NR2F6: variants seen among roughly 807,000 people sequenced by gnomAD.
The protein encoded by NR2F6 is nuclear receptor subfamily 2 group F member 6.
A neutral mutation model predicts 26.5 loss-of-function variants in NR2F6; 16 were observed. The ratio of observed to expected loss-of-function variants is 0.60; its 90% CI spans 0.41 to 0.92. The LOEUF is 0.92. Ranked by LOEUF, NR2F6 falls within the 40% of genes least tolerant of loss-of-function variation. NR2F6 has a pLI of 0.00. For synonymous variants in NR2F6, 325 were observed against 305.0 expected (o/e 1.07, Z -0.68); for missense variants, 536 against 631.7 (o/e 0.85, Z 1.62).
chr19:17,240,879 G>C, intron 1 of NR2F6, 114 bp from the exon 2 acceptor site: 1 of 983,676 alleles, frequency 1.0e-6, no homozygotes, highest in Non-Finnish European at 1.5e-6. Flanking sequence ...GGGCCCTCTA[G>C]ACTGGAGAGG....
chr19:17,240,777 C>T lies in NR2F6; in HGVS notation c.279-12G>A, dbSNP rs780933576. ...AGTCACGGTTGGACCTGGGGGCACACAGAAGCCAGGGCTCCCTGAGACCCC... is the reference window on the plus strand; with the variant it reads ...AGTCACGGTTGGACCTGGGGGCACATAGAAGCCAGGGCTCCCTGAGACCCC... On this transcript the variant is annotated splice_polypyrimidine_tract_variant and intron_variant, in intron 1 of 3. Transcript: ENST00000291442. The T allele has an allele frequency of 6.2e-7, 1 of 1,613,088 alleles. No homozygotes were observed. The highest frequency in any genetic ancestry group is 1.7e-5 in the Admixed American group (1 of 59,908).
Position 17,235,935 on chromosome 19 carries a change from T to C in NR2F6, c.504A>G (p.Glu168=). 6.7e-7 allele frequency: 1 copy of C among 1,483,050 alleles called. No individual in the cohort carries two copies. The highest frequency in any genetic ancestry group is 2.9e-5 in the East Asian group (1 of 34,784). The allele number at this position is 1,483,050 out of a possible 1,614,324, so 91.9% of individuals were successfully genotyped here. ...GDLFPGQPVS[E]LIAQLLRAEP... is the part of the protein sequence containing the mutation. ...CAGCGCGCAGCAGCTGCGCGATCAGTTCGGACACCGGCTGCCCCGGGAAGA... is the reference window on the plus strand; with the variant it reads ...CAGCGCGCAGCAGCTGCGCGATCAGCTCGGACACCGGCTGCCCCGGGAAGA... The change falls in exon 3 of 4, where the codon GAA becomes GAG. Residue 168 remains glutamate (E), a synonymous_variant. Transcript: ENST00000291442. This position sits in a 1 kb window ranked among gnomAD's most constrained non-coding sequence, Gnocchi z 5.0.
chr19:17,243,809 T>A (rs1300241548), intron 1 of NR2F6, among the ~76,000 whole-genome samples: 1 of 152,064 alleles, frequency 6.6e-6, no homozygotes, highest in Admixed American at 6.5e-5. Context: ...GTCCCCACCC[T>A]AGCCCCACAG....
chr19:17,235,700 C>T lies in NR2F6; in HGVS notation c.739G>A (p.Ala247Thr), dbSNP rs2073432491. 1 of 1,491,240 alleles carries T rather than the reference C, an allele frequency of 6.7e-7. No homozygotes were observed. The highest frequency in any genetic ancestry group is 2.4e-5 in the Admixed American group (1 of 42,252). 92.4% of individuals were successfully genotyped at this position (1,491,240 alleles called of 1,614,324 possible). ...TGCAGGGGCAGCGCCGCCTGCGCCG[C>T]GTTCAGCACGAAGAGCTCGCTCCAG... Reference protein sequence around the residue: ...LSWSELFVLNAAQAALPLHTA... With the variant: ...LSWSELFVLNTAQAALPLHTA... The change falls in exon 3 of 4, where the codon GCG becomes ACG. Residue 247 changes from alanine (A) to threonine (T), a missense_variant. By Grantham distance (58) the Ala-to-Thr change is moderately conservative. Transcript: ENST00000291442. The surrounding 1 kb of genome is among the most constrained non-coding windows in gnomAD (Gnocchi z 5.0).
At position 17,244,712 on chromosome 19, in the gene NR2F6, A is replaced by C. The variant is rs2073487362; in HGVS notation, c.278+231T>G. Among the ~76,000 whole-genome samples the C allele has an allele frequency of 2.0e-5, 3 of 152,188 alleles. No homozygotes were observed. In the South Asian group the frequency reaches 6.2e-4, roughly 31 times the overall value. ...GGAAGGAGAAGCAAGTAACTGGGGC[A>C]AAAGCCTCCAGGGACCACCTGATGG... On this transcript the variant is annotated intron_variant, in intron 1 of 3. Coordinates refer to ENST00000291442, the MANE Select transcript of NR2F6 (RefSeq NM_005234.4).
Position 17,245,103 on chromosome 19 carries a change from T to C in NR2F6, c.118A>G (p.Ser40Gly). The change falls in exon 1 of 4, where the codon AGC becomes GGC. Residue 40 changes from serine to glycine, a missense_variant. Coordinates refer to ENST00000291442, the MANE Select transcript of NR2F6 (RefSeq NM_005234.4). The surrounding 1 kb of genome is among the most constrained non-coding windows in gnomAD (Gnocchi z 5.0). ...TCCTCGTCGCCCGGCTCGGCGTCGC[T>C]GGCGGCACCGGGGGGCGAGGCCGAG... Reference protein sequence around the residue: ...DDSASPPGAASDAEPGDEERP... With the variant: ...DDSASPPGAAGDAEPGDEERP... 1.3e-6 allele frequency: 2 copies of C among 1,563,024 alleles called. No homozygotes were observed. Among genetic ancestry groups the C allele is most frequent in the Non-Finnish European group, 1.7e-6 (2 of 1,157,166 alleles).
Position 17,235,467 on chromosome 19 carries a change from C to G in NR2F6, c.940+32G>C, listed in dbSNP as rs2073430608. ...CCTCCTAACCTCCCTTGGGTCCCCC[C>G]ATCCCGCGGCCCTCTTCGGAGCGTG... On this transcript the variant is annotated intron_variant, in intron 3 of 3. Transcript: ENST00000291442. The surrounding 1 kb of genome is among the most constrained non-coding windows in gnomAD (Gnocchi z 5.0). 1.3e-6 allele frequency: 2 copies of G among 1,549,522 alleles called. No individual in the cohort carries two copies. Among genetic ancestry groups the G allele is most frequent in the East Asian group, 4.8e-5 (2 of 41,698 alleles).
chr19:17,241,783 C>G (rs889250764), intron 1 of NR2F6, among the ~76,000 whole-genome samples: 2 of 152,064 alleles, frequency 1.3e-5, no homozygotes, highest in Middle Eastern at 3.2e-3. Context: ...CTTTGGGAGG[C>G]GGGGGAGGGT....
At chr19:17,240,519 T>A in intron 2 of NR2F6, 152 bp downstream of exon 2, 1 of 754,710 alleles carries the variant, frequency 1.3e-6, no homozygotes, top group Non-Finnish European at 2.3e-6. Context: ...GGTAATGAGG[T>A]TAGCAGGCGC....
chr19:17,233,812 C>T (rs1264296772), intron 3 of NR2F6, among the ~76,000 whole-genome samples: 2 of 151,944 alleles, frequency 1.3e-5, no homozygotes, highest in Admixed American at 6.6e-5. Context: ...TCTAAGGAAG[C>T]TCGCAGGGAA....
intron 3 of NR2F6, among the ~76,000 whole-genome samples, chr19:17,232,878 T>C (rs951137078): frequency 3.1e-4 from 47 of 152,190 alleles, no homozygotes; most frequent in Non-Finnish European, 6.0e-4. Flanking sequence ...CTGGGCACAG[T>C]AGCTCACGCC....
At chr19:17,233,568 T>C (rs2073419772) in intron 3 of NR2F6, among the ~76,000 whole-genome samples, 2 of 152,062 alleles carry the variant, frequency 1.3e-5, no homozygotes, top group African/African-American at 2.4e-5. Context: ...AGTGGCACGA[T>C]CTCACTGCAA....
At chr19:17,233,350 A>AAAAC (rs1568315895) in intron 3 of NR2F6, among the ~76,000 whole-genome samples, 6 of 135,884 alleles carry the variant, frequency 4.4e-5, no homozygotes, top group African/African-American at 8.4e-5. Flanking sequence ...CAAAACAAAA[A>AAAAC]ACGACCCTGG....
chr19:17,243,179 TCCTCCAGGCAGCCCTCTCTGA>T (rs1292684238), intron 1 of NR2F6, among the ~76,000 whole-genome samples: 10 of 152,058 alleles, frequency 6.6e-5, no homozygotes, highest in African/African-American at 2.4e-4. Context: ...TCCCCTAGCC[TCCTCCAGGCAGCCCTCTCTGA>T]CCTCCAGGCA....
chr19:17,237,314 C>A (rs1450014841), intron 2 of NR2F6, among the ~76,000 whole-genome samples: 2 of 152,134 alleles, frequency 1.3e-5, no homozygotes, highest in Non-Finnish European at 2.9e-5. Flanking sequence ...CCTCACATGG[C>A]CACATTCCCA....
In NR2F6 at chr19:17,235,669, G is replaced by C; in HGVS notation, c.770C>G (p.Ala257Gly). 1 of 1,516,404 alleles carries C rather than the reference G, an allele frequency of 6.6e-7. No individual in the cohort carries two copies. The highest frequency in any genetic ancestry group is 8.8e-7 in the Non-Finnish European group (1 of 1,140,194). 93.9% of individuals were successfully genotyped at this position (1,516,404 alleles called of 1,614,324 possible). A position where few individuals can be genotyped will look rare whatever the true frequency, so the allele number is the denominator to read the frequency against. Residue 257 changes from alanine (A) to glycine (G), a missense_variant, in exon 3 of 4, where the codon GCG becomes GGG. Ala to Gly is a moderately conservative substitution (Grantham distance 60). Coordinates refer to ENST00000291442, the MANE Select transcript of NR2F6 (RefSeq NM_005234.4). This position sits in a 1 kb window ranked among gnomAD's most constrained non-coding sequence, Gnocchi z 5.0. ...GAGGCCGGCGGCGGCCAGTAGCGGC[G>C]CCGTGTGCAGGGGCAGCGCCGCCTG... ...AAQAALPLHT[A>G]PLLAAAGLHA...
At chr19:17,238,972 G>A (rs574490285) in intron 2 of NR2F6, among the ~76,000 whole-genome samples, 14 of 152,030 alleles carry the variant, frequency 9.2e-5, no homozygotes, top group South Asian at 8.3e-4. Flanking sequence ...AGGCTGAGGC[G>A]AGCGGATCAC....
intron 2 of NR2F6, 39 bp downstream of exon 2, chr19:17,240,632 G>A (rs747272209): frequency 3.1e-6 from 5 of 1,598,594 alleles, no homozygotes; most frequent in East Asian, 2.2e-5. Context: ...GGCTCCAGCG[G>A]CTGTGATCGT....
intron 1 of NR2F6, 43 bp from the exon 2 acceptor site, chr19:17,240,808 C>T (rs767933237): frequency 5.6e-6 from 9 of 1,595,136 alleles, no homozygotes; most frequent in African/African-American, 2.7e-5. Flanking sequence ...ACCCCCATAT[C>T]CTCCTCCCCG....
Sources: gnomAD v4.1 joint callset for allele counts (sites outside exome capture counted in the v4.1 genomes callset) on GRCh38, gnomAD v4.1.1 for gene constraint, Gnocchi (gnomAD v3.1) non-coding constraint, MANE v1.5 for transcripts, NCBI Gene and HGNC (gene_info 2026-07-23, HGNC 2026-07-21) for gene names.